The following TAFA5 variants were observed in gnomAD, a reference collection of about 807,000 sequenced individuals.
The protein encoded by TAFA5 is chemokine-like protein TAFA-5.
In TAFA5, 6 loss-of-function variants were observed where a neutral mutation model predicts 15.3. The observed-to-expected ratio is 0.39, with a 90% CI of 0.21 to 0.77. TAFA5 has a LOEUF of 0.77. Among genes scored for constraint, TAFA5 ranks in the 30% least tolerant of loss-of-function variants. The pLI is 0.41. For missense variants in TAFA5, 161 were observed against 193.1 expected (o/e 0.83, Z 0.98); for synonymous variants, 103 against 80.7 (o/e 1.28, Z -1.48).
chr22:48,625,329 C>T (rs778088718), intron 1 of TAFA5, among the ~76,000 whole-genome samples: 1 of 152,166 alleles, frequency 6.6e-6, no homozygotes, highest in Non-Finnish European at 1.5e-5. Context: ...GGAGTTCACT[C>T]GGGCGTCTCC....
chr22:48,723,217 C>G (rs895191259), intron 3 of TAFA5, among the ~76,000 whole-genome samples: 1 of 152,208 alleles, frequency 6.6e-6, no homozygotes, highest in African/African-American at 2.4e-5. Flanking sequence ...GCCAGCCACC[C>G]CCTTCCAAAT....
intron 1 of TAFA5, among the ~76,000 whole-genome samples, chr22:48,606,469 A>G (rs28360599): frequency 0.13 from 19,446 of 152,234 alleles, 1,347 homozygotes; most frequent in African/African-American, 0.17. Context: ...ATATAGATGT[A>G]TGTATTTCTA....
chr22:48,627,279 G>T (rs770905018), intron 1 of TAFA5, among the ~76,000 whole-genome samples: 3 of 152,260 alleles, frequency 2.0e-5, no homozygotes, highest in Non-Finnish European at 4.4e-5. Flanking sequence ...TCTGCAGTAA[G>T]AGTCTTGGTA....
At chr22:48,579,511 C>T (rs1601591644) in intron 1 of TAFA5, among the ~76,000 whole-genome samples, 1 of 152,194 alleles carries the variant, frequency 6.6e-6, no homozygotes. Context: ...AAGAGCCGGC[C>T]GCTTCCTTAG....
chr22:48,706,522 C>T (rs1929084102), intron 2 of TAFA5, among the ~76,000 whole-genome samples: 2 of 152,234 alleles, frequency 1.3e-5, no homozygotes, highest in African/African-American at 2.4e-5. Flanking sequence ...CCTAGAGCCT[C>T]GGACCCAAAC....
intron 1 of TAFA5, among the ~76,000 whole-genome samples, chr22:48,514,464 G>A (rs1014687707): frequency 6.6e-6 from 1 of 152,338 alleles, no homozygotes; most frequent in African/African-American, 2.4e-5. Flanking sequence ...AGCTCTCTCT[G>A]TCTGACAGCC....
chr22:48,557,186 C>T (rs1487832870), intron 1 of TAFA5, among the ~76,000 whole-genome samples: 1 of 152,182 alleles, frequency 6.6e-6, no homozygotes, highest in Non-Finnish European at 1.5e-5. Context: ...CTCCTCAGAA[C>T]ATGACTGTAC....
intron 1 of TAFA5, among the ~76,000 whole-genome samples, chr22:48,625,152 T>C (rs1302666527): frequency 1.3e-5 from 2 of 151,250 alleles, no homozygotes; most frequent in African/African-American, 4.9e-5. Flanking sequence ...AACAAAAACC[T>C]TGGTCTTGGT....
At chr22:48,601,518 G>A (rs1406970956) in intron 1 of TAFA5, among the ~76,000 whole-genome samples, 2 of 151,946 alleles carry the variant, frequency 1.3e-5, no homozygotes, top group Non-Finnish European at 2.9e-5. Flanking sequence ...GTAGAGACAG[G>A]GTTTTACCAT....
intron 1 of TAFA5, among the ~76,000 whole-genome samples, chr22:48,546,277 G>A (rs578124976): frequency 2.4e-4 from 36 of 152,322 alleles, no homozygotes; most frequent in African/African-American, 7.2e-4. Context: ...CTCCCATGCC[G>A]GCGTGCGCTG....
chr22:48,556,322 G>A (rs1923037207), intron 1 of TAFA5, among the ~76,000 whole-genome samples: 2 of 152,218 alleles, frequency 1.3e-5, no homozygotes, highest in East Asian at 1.9e-4. Flanking sequence ...AAGCTCCGGG[G>A]ACCTAGTGAG....
At chr22:48,684,840 C>G (rs942728746) in intron 2 of TAFA5, among the ~76,000 whole-genome samples, 1 of 152,242 alleles carries the variant, frequency 6.6e-6, no homozygotes, top group African/African-American at 2.4e-5. Flanking sequence ...GCACTTACCT[C>G]TCGGGGTGCG....
chr22:48,564,751 G>C (rs992266625), intron 1 of TAFA5, among the ~76,000 whole-genome samples: 1 of 152,190 alleles, frequency 6.6e-6, no homozygotes, highest in African/African-American at 2.4e-5. Flanking sequence ...CTTGTGTGCT[G>C]GTCCTTGGGA....
intron 1 of TAFA5, among the ~76,000 whole-genome samples, chr22:48,642,394 C>T (rs541858611): frequency 3.1e-4 from 47 of 152,322 alleles, no homozygotes; most frequent in African/African-American, 1.0e-3. Context: ...AGCCCTGGTG[C>T]GGCCTCCACA....
At chr22:48,731,295 C>G (rs1360269254) in intron 3 of TAFA5, among the ~76,000 whole-genome samples, 2 of 152,308 alleles carry the variant, frequency 1.3e-5, no homozygotes, top group East Asian at 3.9e-4. Flanking sequence ...CATAAAAGTG[C>G]AAGGTGAAGC....
At chr22:48,549,625 C>T (rs1304386300) in intron 1 of TAFA5, among the ~76,000 whole-genome samples, 1 of 152,218 alleles carries the variant, frequency 6.6e-6, no homozygotes, top group Non-Finnish European at 1.5e-5. Flanking sequence ...TGTAAAACTG[C>T]AGTGGTCCTG....
In TAFA5 at chr22:48,671,008, C is replaced by T. The variant is rs78175013; in HGVS notation, c.262+24262C>T. On this transcript the variant is annotated intron_variant, in intron 2 of 3. Coordinates refer to ENST00000402357, the MANE Select transcript of TAFA5 (RefSeq NM_001082967.3). ...TTTGGAGGCCAGAGGGAAGCGTCAC[C>T]CACAGGAATTTATTAGAAAATGCTA... Among the ~76,000 whole-genome samples the T allele has an allele frequency of 4.5e-3, 685 of 152,276 alleles. 3 individuals are homozygous for T. The highest frequency in any genetic ancestry group is 0.016 in the African/African-American group (654 of 41,548).
chr22:48,636,187 A>G (rs1389879082), intron 1 of TAFA5, among the ~76,000 whole-genome samples: 2 of 152,170 alleles, frequency 1.3e-5, no homozygotes, highest in Admixed American at 1.3e-4. Context: ...GCTTCAGTTG[A>G]TGTTTTCCTG....
chr22:48,554,977 C>T (rs1922981791), intron 1 of TAFA5, among the ~76,000 whole-genome samples: 1 of 152,170 alleles, frequency 6.6e-6, no homozygotes, highest in Admixed American at 6.5e-5. Flanking sequence ...CCCAGGGTGG[C>T]AATGTAGCCC....
Sources: gnomAD v4.1 joint callset for allele counts (sites outside exome capture counted in the v4.1 genomes callset) on GRCh38, gnomAD v4.1.1 for gene constraint, MANE v1.5 for transcripts, NCBI Gene and HGNC (gene_info 2026-07-23, HGNC 2026-07-21) for gene names.